Variants in SGCZ observed in about 807,000 individuals in gnomAD.
The protein encoded by SGCZ is zeta-sarcoglycan.
In SGCZ, 40 loss-of-function variants were observed where a neutral mutation model predicts 41.3. That is an observed-to-expected ratio of 0.97 (90% CI 0.75 to 1.26). The LOEUF is 1.26. Among genes scored for constraint, SGCZ ranks in the 50% most tolerant of loss-of-function variants. The pLI, the probability that SGCZ is intolerant of heterozygous loss-of-function variation, is 0.00. For missense variants in SGCZ, 552 were observed against 369.8 expected (o/e 1.49, Z -4.04); for synonymous variants, 206 against 137.5 (o/e 1.50, Z -3.49).
At chr8:14,383,261 C>G (rs887671864) in intron 2 of SGCZ, among the ~76,000 whole-genome samples, 3 of 152,176 alleles carry the variant, frequency 2.0e-5, no homozygotes, top group African/African-American at 7.2e-5. Flanking sequence ...GAATACAAAG[C>G]TCTGATTTTG....
At chr8:14,373,725 G>C (rs1207459296) in intron 2 of SGCZ, among the ~76,000 whole-genome samples, 1 of 152,120 alleles carries the variant, frequency 6.6e-6, no homozygotes, top group Non-Finnish European at 1.5e-5. Flanking sequence ...TAGAACAAAA[G>C]GCATAAAGAA....
At chr8:15,209,190 A>T (rs1348725995) in intron 1 of SGCZ, among the ~76,000 whole-genome samples, 1 of 152,072 alleles carries the variant, frequency 6.6e-6, no homozygotes, top group African/African-American at 2.4e-5. Context: ...TGATTATAGT[A>T]TGAATTTGTG....
intron 3 of SGCZ, chr8:14,308,998 C>G: frequency 8.4e-6 from 8 of 955,332 alleles, no homozygotes; most frequent in Non-Finnish European, 1.1e-5. Flanking sequence ...CAAACCGCAC[C>G]CGGCCTCAGC....
At chr8:15,220,548 G>C (rs998655367) in intron 1 of SGCZ, among the ~76,000 whole-genome samples, 1 of 152,144 alleles carries the variant, frequency 6.6e-6, no homozygotes, top group Admixed American at 6.5e-5. Flanking sequence ...CTCAACTAGA[G>C]TAGGAACTCT....
At chr8:14,639,777 A>G (rs1001320326) in intron 1 of SGCZ, among the ~76,000 whole-genome samples, 1 of 151,652 alleles carries the variant, frequency 6.6e-6, no homozygotes, top group Non-Finnish European at 1.5e-5. Context: ...CTCATGTGAG[A>G]GACTTTTTTT....
rs199502081 is a variant in SGCZ at position 14,707,025 on chromosome 8, C to CT, written c.40-152100dup. ...GCAGGAGTGAAAGTTTATTTAAAAT[C>CT]TTTTTTTTAAAATTTTATTATTATT... On this transcript the variant is annotated intron_variant, in intron 1 of 7. Transcript: ENST00000382080. Among the ~76,000 whole-genome samples the CT allele has an allele frequency of 8.3e-3, 1,177 of 142,426 alleles. 16 individuals are homozygous for CT. Among genetic ancestry groups the CT allele is most frequent in the African/African-American group, 0.028 (1,075 of 38,910 alleles). The allele number at this position is 142,426 out of a possible 152,430, so 93.4% of individuals were successfully genotyped here.
intron 7 of SGCZ, among the ~76,000 whole-genome samples, chr8:14,098,086 C>T (rs1304234817): frequency 1.3e-5 from 2 of 152,092 alleles, no homozygotes; most frequent in African/African-American, 4.8e-5. Flanking sequence ...ATGTTTAACC[C>T]TGTAGATACA....
chr8:14,169,612 C>A (rs1482254420), intron 4 of SGCZ, among the ~76,000 whole-genome samples: 2 of 152,128 alleles, frequency 1.3e-5, no homozygotes, highest in South Asian at 4.1e-4. Context: ...ACCAACAACA[C>A]ACTTCCTGTA....
chr8:14,754,571 T>G (rs1339002730), intron 1 of SGCZ, among the ~76,000 whole-genome samples: 2 of 152,342 alleles, frequency 1.3e-5, no homozygotes, highest in African/African-American at 4.8e-5. Context: ...GCTGGTACAT[T>G]ATAGGTACCC....
chr8:14,425,170 T>C (rs1799744104), intron 2 of SGCZ, among the ~76,000 whole-genome samples: 1 of 151,996 alleles, frequency 6.6e-6, no homozygotes, highest in Non-Finnish European at 1.5e-5. Flanking sequence ...CACTCCAGGG[T>C]TTCATGAATA....
chr8:14,112,789 AT>A (rs1036494066), intron 5 of SGCZ, among the ~76,000 whole-genome samples: 3 of 152,164 alleles, frequency 2.0e-5, no homozygotes, highest in East Asian at 1.9e-4. Context: ...TTATACGATT[AT>A]TTTTTCAAAC....
chr8:14,176,610 T>C (rs142735689), intron 4 of SGCZ, among the ~76,000 whole-genome samples: 2,569 of 152,214 alleles, frequency 0.017, 39 homozygotes, highest in Non-Finnish European at 0.027. Context: ...AGGACAAAAA[T>C]ATAAATTCTC....
chr8:14,575,845 G>A (rs1804691037), intron 1 of SGCZ, among the ~76,000 whole-genome samples: 1 of 142,668 alleles, frequency 7.0e-6, no homozygotes, highest in Admixed American at 7.4e-5. Flanking sequence ...GGCGGAGGTT[G>A]TAGTGAGCCA....
At chr8:14,748,151 T>A (rs1799392925) in intron 1 of SGCZ, among the ~76,000 whole-genome samples, 1 of 152,124 alleles carries the variant, frequency 6.6e-6, no homozygotes, top group Non-Finnish European at 1.5e-5. Context: ...AAGTTAATTG[T>A]ATTAAGCTCT....
chr8:14,284,821 G>C (rs148821487), intron 3 of SGCZ, among the ~76,000 whole-genome samples: 45 of 152,146 alleles, frequency 3.0e-4, no homozygotes, highest in African/African-American at 1.0e-3. Context: ...TTCACTAATA[G>C]AATATTCATT....
chr8:14,736,492 C>T (rs564858500), intron 1 of SGCZ, among the ~76,000 whole-genome samples: 35 of 151,864 alleles, frequency 2.3e-4, no homozygotes, highest in Middle Eastern at 3.4e-3. Context: ...TTTTATTTTC[C>T]CATAAGTTTT....
intron 1 of SGCZ, among the ~76,000 whole-genome samples, chr8:14,560,909 T>C (rs1804188975): frequency 6.6e-6 from 1 of 152,156 alleles, no homozygotes; most frequent in Admixed American, 6.5e-5. Flanking sequence ...GTTTATCTCC[T>C]CAAGAAATTC....
At chr8:14,148,611 TA>T (rs1803600317) in intron 5 of SGCZ, among the ~76,000 whole-genome samples, 1 of 151,966 alleles carries the variant, frequency 6.6e-6, no homozygotes, top group Non-Finnish European at 1.5e-5. Flanking sequence ...AATAAACATT[TA>T]AAGAGGAATG....
At chr8:14,712,042 G>A (rs1226131483) in intron 1 of SGCZ, among the ~76,000 whole-genome samples, 1 of 152,136 alleles carries the variant, frequency 6.6e-6, no homozygotes, top group East Asian at 1.9e-4. Context: ...GCTGAGGTGG[G>A]TGGATCACCT....
Sources: gnomAD v4.1 joint callset for allele counts (sites outside exome capture counted in the v4.1 genomes callset) on GRCh38, gnomAD v4.1.1 for gene constraint, MANE v1.5 for transcripts, NCBI Gene and HGNC (gene_info 2026-07-23, HGNC 2026-07-21) for gene names.